Variants in CENPW observed in about 807,000 individuals in gnomAD.
The protein encoded by CENPW is cancer-up-regulated gene 2 protein.
Under a neutral mutation model 11.1 loss-of-function variants are expected in CENPW, and 3 were observed. The observed-to-expected ratio is 0.27, with a 90% CI of 0.12 to 0.70. The LOEUF (loss-of-function observed/expected upper bound fraction) is 0.70, where lower values mean the gene tolerates loss of function less well. Ranked by LOEUF, CENPW falls within the 30% of genes least tolerant of loss-of-function variation. The pLI, the probability that CENPW is intolerant of heterozygous loss-of-function variation, is 0.77. For synonymous variants in CENPW, 38 were observed against 42.0 expected (o/e 0.91, Z 0.37); for missense variants, 100 against 105.6 (o/e 0.95, Z 0.23).
chr6:126,471,005 T>C, the CENPW span, among the ~76,000 whole-genome samples: 1 of 152,140 alleles, frequency 6.6e-6, no homozygotes, highest in Admixed American at 6.5e-5. Context: ...TGTACTTGGA[T>C]TTTTGGGTTA....
chr6:126,459,070 C>CTT, the CENPW span, among the ~76,000 whole-genome samples: 68,530 of 150,836 alleles, frequency 0.45, 17,186 homozygotes, highest in East Asian at 0.97. Context: ...ATTTTTATCA[C>CTT]ATTTATAAAT....
At chr6:126,466,833 A>G in the CENPW span, among the ~76,000 whole-genome samples, 75 of 152,302 alleles carry the variant, frequency 4.9e-4, no homozygotes, top group African/African-American at 1.7e-3. Flanking sequence ...TAGCATTTCT[A>G]TAGACCAACA....
intron 1 of CENPW, among the ~76,000 whole-genome samples, chr6:126,344,434 T>C (rs1265815054): frequency 6.6e-6 from 1 of 152,164 alleles, no homozygotes; most frequent in African/African-American, 2.4e-5. Flanking sequence ...TGGGATTTAG[T>C]GTTAAGGAAT....
the CENPW span, among the ~76,000 whole-genome samples, chr6:126,429,385 T>C: frequency 6.6e-6 from 1 of 152,206 alleles, no homozygotes; most frequent in African/African-American, 2.4e-5. Flanking sequence ...GTAGAAGATG[T>C]TTGGGTCTTG....
the CENPW span, among the ~76,000 whole-genome samples, chr6:126,444,978 T>G: frequency 6.6e-6 from 1 of 151,092 alleles, no homozygotes; most frequent in Non-Finnish European, 1.5e-5. Context: ...CTCCAAGGCA[T>G]TTCTTCTTAG....
chr6:126,448,556 T>G, the CENPW span, among the ~76,000 whole-genome samples: 1 of 151,030 alleles, frequency 6.6e-6, no homozygotes, highest in African/African-American at 2.4e-5. Flanking sequence ...TTTGTCCTAG[T>G]GCCCCATGGT....
chr6:126,377,531 A>G, the CENPW span, among the ~76,000 whole-genome samples: 1 of 152,200 alleles, frequency 6.6e-6, no homozygotes, highest in South Asian at 2.1e-4. Flanking sequence ...CTGCAGTGTT[A>G]CTAAACTCAG....
the CENPW span, among the ~76,000 whole-genome samples, chr6:126,417,018 A>G: frequency 1.6e-4 from 25 of 152,292 alleles, no homozygotes; most frequent in South Asian, 3.1e-3. Context: ...CAGACACTCA[A>G]TGCTAGCCCA....
chr6:126,443,141 A>T, the CENPW span, among the ~76,000 whole-genome samples: 1 of 151,338 alleles, frequency 6.6e-6, no homozygotes, highest in Non-Finnish European at 1.5e-5. Context: ...AAGTATTAAA[A>T]TTTTCTCAAT....
chr6:126,434,735 G>T, the CENPW span, among the ~76,000 whole-genome samples: 1 of 151,918 alleles, frequency 6.6e-6, no homozygotes, highest in African/African-American at 2.4e-5. Context: ...AAAAAATGGT[G>T]TGTTAAAATT....
At chr6:126,364,203 G>A in the CENPW span, among the ~76,000 whole-genome samples, 1 of 152,178 alleles carries the variant, frequency 6.6e-6, no homozygotes, top group Non-Finnish European at 1.5e-5. Flanking sequence ...TCCTACGCCA[G>A]TTGAGCACTC....
chr6:126,416,292 C>T, the CENPW span, among the ~76,000 whole-genome samples: 3 of 152,066 alleles, frequency 2.0e-5, no homozygotes, highest in East Asian at 1.9e-4. Context: ...GCAAAGCATT[C>T]GAGAGGTGAC....
chr6:126,375,945 T>C, the CENPW span, among the ~76,000 whole-genome samples: 28 of 152,326 alleles, frequency 1.8e-4, no homozygotes, highest in African/African-American at 6.7e-4. Context: ...TGTTGCTCTC[T>C]TTCCTATGCA....
At chr6:126,479,205 TC>T in the CENPW span, among the ~76,000 whole-genome samples, 1 of 152,014 alleles carries the variant, frequency 6.6e-6, no homozygotes, top group African/African-American at 2.4e-5. Context: ...ATGTTTTTAA[TC>T]CATTTTTATT....
the CENPW span, among the ~76,000 whole-genome samples, chr6:126,440,467 C>A: frequency 1.3e-5 from 2 of 151,486 alleles, no homozygotes; most frequent in East Asian, 3.9e-4. Context: ...AAAGTAGCAT[C>A]TAACATATTC....
chr6:126,340,235 C>T lies in CENPW; in HGVS notation c.-39C>T, dbSNP rs1780273669. The T allele has an allele frequency of 6.2e-7, 1 of 1,602,798 alleles. No individual in the cohort carries two copies. The highest frequency in any genetic ancestry group is 8.5e-7 in the Non-Finnish European group (1 of 1,171,868). ...CGGAGCTTGTGTGCGATACAGAGAGCACCTCGGAAGCTGAGGCAGCTGGTA... is the reference window on the plus strand; with the variant it reads ...CGGAGCTTGTGTGCGATACAGAGAGTACCTCGGAAGCTGAGGCAGCTGGTA... On this transcript the variant is annotated 5_prime_UTR_variant, in exon 1 of 3. Coordinates refer to ENST00000368328, the MANE Select transcript of CENPW (RefSeq NM_001012507.4).
chr6:126,473,261 ATC>A, the CENPW span, among the ~76,000 whole-genome samples: 1 of 152,136 alleles, frequency 6.6e-6, no homozygotes, highest in Non-Finnish European at 1.5e-5. Context: ...AAGTTTTTGA[ATC>A]TCTTAAGTAA....
chr6:126,448,122 C>G, the CENPW span, among the ~76,000 whole-genome samples: 1 of 151,098 alleles, frequency 6.6e-6, no homozygotes, highest in Non-Finnish European at 1.5e-5. Context: ...TAGTGCTACC[C>G]CAGGTGTCAT....
At chr6:126,445,946 T>C in the CENPW span, among the ~76,000 whole-genome samples, 3 of 151,118 alleles carry the variant, frequency 2.0e-5, no homozygotes, top group South Asian at 2.1e-4. Context: ...CAAGCCCAAA[T>C]TGAACACTTT....
Sources: allele counts gnomAD v4.1 joint callset (sites outside exome capture counted in the v4.1 genomes callset), GRCh38; gene constraint gnomAD v4.1.1; transcripts MANE v1.5; gene names NCBI Gene and HGNC (gene_info 2026-07-23, HGNC 2026-07-21).